LRRC32: variants seen among roughly 807,000 people sequenced by gnomAD.
The protein encoded by LRRC32 is leucine rich repeat containing 32, also known as transforming growth factor beta activator LRRC32.
A neutral mutation model predicts 15.0 loss-of-function variants in LRRC32; 5 were observed. That is an observed-to-expected ratio of 0.33 (90% CI 0.17 to 0.70). The LOEUF is 0.70. LRRC32 is among the 30% of genes least tolerant of loss of function. The probability of loss-of-function intolerance (pLI) is 0.66; values close to 1 mark genes in which losing one functional copy is unlikely to be tolerated. For synonymous variants in LRRC32, 391 were observed against 403.9 expected (o/e 0.97, Z 0.38); for missense variants, 803 against 854.2 (o/e 0.94, Z 0.75).
chr11:76,663,403 G>A (rs1036974560), intron 2 of LRRC32: 1 of 152,260 alleles, frequency 6.6e-6, no homozygotes, highest in Non-Finnish European at 1.5e-5. Context: ...GCCAGTGGCT[G>A]AGCTGGTAGG....
intron 1 of LRRC32, among the ~76,000 whole-genome samples, chr11:76,667,652 T>A (rs1952646832): frequency 6.6e-6 from 1 of 152,234 alleles, no homozygotes; most frequent in African/African-American, 2.4e-5. Context: ...TTCTGCTGTT[T>A]AAAAAGCAGA....
intron 1 of LRRC32, among the ~76,000 whole-genome samples, chr11:76,669,098 A>G (rs1181857798): frequency 2.0e-5 from 3 of 152,210 alleles, no homozygotes; most frequent in Non-Finnish European, 4.4e-5. Flanking sequence ...TCTGCAGGGT[A>G]GGCAGCTGGG....
chr11:76,669,800 A>G (rs1370267072), intron 1 of LRRC32: 1 of 152,370 alleles, frequency 6.6e-6, no homozygotes, highest in Non-Finnish European at 1.5e-5. Context: ...GGTCACGATC[A>G]GAATCCAGTT....
chr11:76,660,816 G>T lies in LRRC32; in HGVS notation c.777C>A (p.Pro259=). The stretch of plus-strand genomic sequence containing the variant: ...TGAGTCTCGGGAGCGCGGCCAGGTC[G>T]GGGAAATGGAGCAGTTTGTTCTCCC... The part of the protein sequence containing the change: ...DLRENKLLHF[P]DLAALPRLIY... The change falls in exon 3 of 3, where the codon CCC becomes CCA. Residue 259 remains proline, a synonymous_variant. Transcript: ENST00000260061. 1 of 1,614,142 alleles carries T rather than the reference G, an allele frequency of 6.2e-7. No individual in the cohort carries two copies. Among genetic ancestry groups the T allele is most frequent in the East Asian group, 2.2e-5 (1 of 44,872 alleles).
At chr11:76,665,010 G>A (rs957971810) in intron 2 of LRRC32, among the ~76,000 whole-genome samples, 1 of 152,252 alleles carries the variant, frequency 6.6e-6, no homozygotes, top group Non-Finnish European at 1.5e-5. Flanking sequence ...TCAGGTCCAA[G>A]AGGGGCTTCC....
intron 1 of LRRC32, 40 bp from the exon 2 acceptor site, chr11:76,665,998 A>G (rs1952620341): frequency 6.3e-7 from 1 of 1,585,032 alleles, no homozygotes; most frequent in South Asian, 1.1e-5. Context: ...CTGTAAGCCC[A>G]CTGGCTCCTT....
At position 76,660,416 on chromosome 11, in the gene LRRC32, G is replaced by T. The variant is rs773229643; in HGVS notation, c.1177C>A (p.Leu393Ile). 1.2e-6 allele frequency: 2 copies of T among 1,613,702 alleles called. No individual in the cohort carries two copies. Among genetic ancestry groups the T allele is most frequent in the South Asian group, 2.2e-5 (2 of 91,000 alleles). The part of the protein sequence containing the change: ...RALGSLRTLL[L>I]QGNALRDLPP... ...AGGTCCCGCAGGGCATTGCCCTGTA[G>T]GAGCAGCGTCCGCAGAGACCCCAGG... Residue 393 changes from leucine to isoleucine, a missense_variant, in exon 3 of 3, where the codon CTA becomes ATA. Coordinates refer to ENST00000260061, the MANE Select transcript of LRRC32 (RefSeq NM_001128922.2).
rs1952472334 is a variant in LRRC32 at position 76,659,560 on chromosome 11, G to A, written c.*44C>T. 1.9e-6 allele frequency: 3 copies of A among 1,582,950 alleles called. No homozygotes were observed. The highest frequency in any genetic ancestry group is 2.6e-6 in the Non-Finnish European group (3 of 1,162,036). On this transcript the variant is annotated 3_prime_UTR_variant, in exon 3 of 3. Transcript: ENST00000260061. The stretch of plus-strand genomic sequence containing the variant: ...CTTGAGTCAGTCCTCACTCTTCTCT[G>A]TACCTCAGGCTCCCCCACTGACCTA...
chr11:76,666,227 G>C (rs930563504), intron 1 of LRRC32, among the ~76,000 whole-genome samples: 3 of 152,214 alleles, frequency 2.0e-5, no homozygotes, highest in Non-Finnish European at 4.4e-5. Flanking sequence ...TCAGACGGGG[G>C]TTTTCAAGAG....
rs1196077663 is a variant in LRRC32, at chr11:76,659,731, C to T, written c.1862G>A (p.Gly621Glu). Residue 621 changes from glycine to glutamate, a missense_variant, in exon 3 of 3, where the codon GGG becomes GAG. By Grantham distance (98) the Gly-to-Glu change is moderately conservative. Transcript: ENST00000260061. ...GATGAGGTTGATGTTCTTCAGTCCC[C>T]CCTTCTCACAGTCCTCGGGACGCAC... ...SHVRPEDCEKGGLKNINLIII... is the reference protein window; with the variant it reads ...SHVRPEDCEKEGLKNINLIII... 6.2e-7 allele frequency: 1 copy of T among 1,614,218 alleles called. No individual in the cohort carries two copies. Among genetic ancestry groups the T allele is most frequent in the Admixed American group, 1.7e-5 (1 of 60,032 alleles).
At chr11:76,667,534 G>A (rs545223373) in intron 1 of LRRC32, among the ~76,000 whole-genome samples, 17 of 152,332 alleles carry the variant, frequency 1.1e-4, no homozygotes, top group African/African-American at 3.1e-4. Flanking sequence ...GACCACAGCC[G>A]GACCCGGTAA....
rs753804494 is a variant in LRRC32 at position 76,661,140 on chromosome 11, C to A, written c.453G>T (p.Leu151=). The change falls in exon 3 of 3, where the codon CTG becomes CTT. Residue 151 remains leucine (L), a synonymous_variant. Coordinates refer to ENST00000260061, the MANE Select transcript of LRRC32 (RefSeq NM_001128922.2). ...LERLLGEAPS[L]HTLSLAENSL... is the part of the protein sequence containing the mutation. The stretch of plus-strand genomic sequence containing the variant: ...TGTTCTCCGCCAGTGAGAGGGTATG[C>A]AGGCTGGGTGCCTCCCCCAGCAGCC... 4 of 1,613,716 alleles carry A rather than the reference C, an allele frequency of 2.5e-6. No homozygotes were observed. In the South Asian group the frequency reaches 3.3e-5, roughly 13 times the overall value.
rs776958882 is a variant in LRRC32, at chr11:76,661,369, A to T, written c.224T>A (p.Leu75His). The change falls in exon 3 of 3, where the codon CTT becomes CAT. Residue 75 changes from leucine to histidine, a missense_variant. By Grantham distance (99) the Leu-to-His change is moderately conservative. Coordinates refer to ENST00000260061, the MANE Select transcript of LRRC32 (RefSeq NM_001128922.2). ...LASPLGFYTA[L>H]RHLDLSTNEI... ...ATTGGTGCTCAGGTCCAGGTGACGA[A>T]GTGCTGTGTAGAAGCCCAGGGGTGA... is the stretch of plus-strand genomic sequence containing the variant. 1 of 1,614,078 alleles carries T rather than the reference A, an allele frequency of 6.2e-7. No individual in the cohort carries two copies.
chr11:76,668,586 A>G (rs1300537716), intron 1 of LRRC32, among the ~76,000 whole-genome samples: 1 of 152,090 alleles, frequency 6.6e-6, no homozygotes, highest in Non-Finnish European at 1.5e-5. Context: ...CTCTCCCTGA[A>G]TGCTCTTCCT....
chr11:76,660,273 G>T lies in LRRC32; in HGVS notation c.1320C>A (p.Ser440=). Residue 440 remains serine, a synonymous_variant, in exon 3 of 3, where the codon TCC becomes TCA. Coordinates refer to ENST00000260061, the MANE Select transcript of LRRC32 (RefSeq NM_001128922.2). The stretch of plus-strand genomic sequence containing the variant: ...TCAGGCTGCGGAGGGAGGTGATGCC[G>T]GAGAAGGCCACACAGCCGGAGGGGC... The part of the protein sequence containing the change: ...EPGPSGCVAF[S]GITSLRSLSL... 1 of 1,578,526 alleles carries T rather than the reference G, an allele frequency of 6.3e-7. No homozygotes were observed.
Position 76,660,609 on chromosome 11 carries a change from C to T in LRRC32, c.984G>A (p.Glu328=), listed in dbSNP as rs1292521958. 6.2e-7 allele frequency: 1 copy of T among 1,614,134 alleles called. No individual in the cohort carries two copies. Among genetic ancestry groups the T allele is most frequent in the Non-Finnish European group, 8.5e-7 (1 of 1,180,030 alleles). The change falls in exon 3 of 3, where the codon GAG becomes GAA. Residue 328 remains glutamate (E), a synonymous_variant. Transcript: ENST00000260061. ...LNLDLSYNEI[E]LIPDSFLEHL... is the part of the protein sequence containing the mutation. The stretch of plus-strand genomic sequence containing the variant: ...GCTCAAGAAAGCTGTCGGGGATGAG[C>T]TCAATCTCATTGTAGCTCAAATCCA...
Position 76,665,415 on chromosome 11 carries a change from C to T in LRRC32, c.84+456G>A, listed in dbSNP as rs556071564. Reference sequence around the variant, plus strand: ...CACTAAGAAGTGAGAGGCACTCCAGCGGGCAGTCCCAAGTCAAGGAGCCCA... The same window carrying T: ...CACTAAGAAGTGAGAGGCACTCCAGTGGGCAGTCCCAAGTCAAGGAGCCCA... On this transcript the variant is annotated intron_variant, in intron 2 of 2. Transcript: ENST00000260061. 3.2e-4 allele frequency among the ~76,000 whole-genome samples: 49 copies of T among 152,200 alleles called. No homozygotes were observed. The South Asian group carries it at 5.0e-3, about 15-fold the overall frequency.
At chr11:76,668,141 TAGGA>T (rs1257648036) in intron 1 of LRRC32, among the ~76,000 whole-genome samples, 1 of 151,564 alleles carries the variant, frequency 6.6e-6, no homozygotes, top group Non-Finnish European at 1.5e-5. Flanking sequence ...AAACCGACAC[TAGGA>T]GTCTCGGTGA....
rs150813320 is a variant in LRRC32 at position 76,660,141 on chromosome 11, C to T, written c.1452G>A (p.Gly484=). Residue 484 remains glycine (G), a synonymous_variant, in exon 3 of 3, where the codon GGG becomes GGA. Transcript: ENST00000260061. ...AGGAGGCCTCCAGGCCTCCCAAGGCCCCCGTGGCCACCTCCAGCCCAGGAT... is the reference window on the plus strand; with the variant it reads ...AGGAGGCCTCCAGGCCTCCCAAGGCTCCCGTGGCCACCTCCAGCCCAGGAT... ...SSNPGLEVAT[G]ALGGLEASLE... The T allele has an allele frequency of 6.2e-7, 1 of 1,606,130 alleles. No homozygotes were observed. The highest frequency in any genetic ancestry group is 1.3e-5 in the African/African-American group (1 of 74,412).
Sources: gnomAD v4.1 joint callset for allele counts (sites outside exome capture counted in the v4.1 genomes callset) on GRCh38, gnomAD v4.1.1 for gene constraint, MANE v1.5 for transcripts, NCBI Gene and HGNC (gene_info 2026-07-23, HGNC 2026-07-21) for gene names.